Variants in ACACB observed in about 807,000 individuals in gnomAD.
ACACB encodes the protein acetyl-CoA carboxylase beta.
Under a neutral mutation model 278.8 loss-of-function variants are expected in ACACB, and 209 were observed. The observed-to-expected ratio is 0.75, with a 90% CI of 0.67 to 0.84. The LOEUF is 0.84. Ranked by LOEUF, ACACB falls within the 40% of genes least tolerant of loss-of-function variation. ACACB has a pLI of 0.00. For synonymous variants in ACACB, 1,174 were observed against 1,285.6 expected, an observed-to-expected ratio of 0.91 and a Z score of 1.86; for missense variants, 2,850 against 3,269.0, an observed-to-expected ratio of 0.87 and a Z score of 3.13.
At chr12:109,188,780 T>A (rs953450378) in intron 13 of ACACB, among the ~76,000 whole-genome samples, 1 of 152,190 alleles carries the variant, frequency 6.6e-6, no homozygotes, top group Non-Finnish European at 1.5e-5. Context: ...TTATAAGAGT[T>A]CTAGCTTGAA....
chr12:109,212,589 A>G (rs2045880648), intron 21 of ACACB, among the ~76,000 whole-genome samples: 1 of 152,042 alleles, frequency 6.6e-6, no homozygotes, highest in Admixed American at 6.6e-5. Context: ...TCCTGTGAGA[A>G]TCTAATGCTC....
chr12:109,209,117 C>A, intron 20 of ACACB, 48 bp from the exon 21 acceptor site: 1 of 1,532,620 alleles, frequency 6.5e-7, no homozygotes, highest in South Asian at 1.2e-5. Flanking sequence ...GGCGGTGGTG[C>A]CCATGCCCAT....
chr12:109,223,889 C>T lies in ACACB; in HGVS notation c.3867C>T (p.Cys1289=), dbSNP rs926534689. 3.7e-6 allele frequency: 6 copies of T among 1,614,118 alleles called. No homozygotes were observed. Among genetic ancestry groups the T allele is most frequent in the Non-Finnish European group, 5.1e-6 (6 of 1,179,942 alleles). The change falls in exon 27 of 53, where the codon TGC becomes TGT. Residue 1289 remains cysteine, a synonymous_variant. Coordinates refer to ENST00000338432, the MANE Select transcript of ACACB (RefSeq NM_001093.4). The part of the protein sequence containing the change: ...TFFYHANKVV[C]MASLEVYVRR... Reference sequence around the variant, plus strand: ...TCTATCACGCAAACAAAGTCGTGTGCATGGCGTCCTTGGAGGTAAGCAGGA... The same window carrying T: ...TCTATCACGCAAACAAAGTCGTGTGTATGGCGTCCTTGGAGGTAAGCAGGA...
chr12:109,191,932 T>C lies in ACACB; in HGVS notation c.2381T>C (p.Phe794Ser). The change falls in exon 15 of 53, where the codon TTC becomes TCC. Residue 794 changes from phenylalanine (F) to serine (S), a missense_variant. Phe to Ser is a radical substitution (Grantham distance 155). Coordinates refer to ENST00000338432, the MANE Select transcript of ACACB (RefSeq NM_001093.4). ...ATGTTCAGAACGTGCATGACAGATT[T>C]CTTACACTCCCTGGAAAGGTAGGGG... is the stretch of plus-strand genomic sequence containing the variant. ...DAMFRTCMTDFLHSLERGQVL... is the reference protein window; with the variant it reads ...DAMFRTCMTDSLHSLERGQVL... The C allele has an allele frequency of 6.2e-7, 1 of 1,614,202 alleles. No individual in the cohort carries two copies. Among genetic ancestry groups the C allele is most frequent in the Non-Finnish European group, 8.5e-7 (1 of 1,180,038 alleles).
chr12:109,234,196 T>TG, intron 31 of ACACB, 151 bp downstream of exon 31: 1 of 660,926 alleles, frequency 1.5e-6, no homozygotes, highest in South Asian at 1.8e-5. Flanking sequence ...GCCTCATAGC[T>TG]GGCGACCTTG....
At chr12:109,221,043 G>T (rs546323218) in intron 24 of ACACB, among the ~76,000 whole-genome samples, 1 of 152,210 alleles carries the variant, frequency 6.6e-6, no homozygotes, top group Non-Finnish European at 1.5e-5. Flanking sequence ...TCTGGCCTGG[G>T]AGCCACATGC....
chr12:109,176,101 C>G, intron 8 of ACACB, 52 bp from the exon 9 acceptor site: 1 of 1,610,986 alleles, frequency 6.2e-7, no homozygotes, highest in Non-Finnish European at 8.5e-7. Flanking sequence ...GTCCTGGTAG[C>G]AGTTGGCAAC....
At chr12:109,150,411 G>T (rs2043341997) in intron 2 of ACACB, among the ~76,000 whole-genome samples, 1 of 152,210 alleles carries the variant, frequency 6.6e-6, no homozygotes, top group Non-Finnish European at 1.5e-5. Flanking sequence ...TGTCCACGGA[G>T]GAGGAAGAGG....
chr12:109,255,340 A>G lies in ACACB; in HGVS notation c.6167-800A>G, dbSNP rs548628677. Among the ~76,000 whole-genome samples the G allele has an allele frequency of 1.1e-4, 16 of 152,336 alleles. 1 individual carries two copies. In the South Asian group the frequency reaches 2.9e-3, roughly 28 times the overall value. On this transcript the variant is annotated intron_variant, in intron 44 of 52. Transcript: ENST00000338432. ...CTGCTCCTTGGCTGTGCAATGCAGG[A>G]GAGGTGACCCTCGGGAGTGTGCTAG...
Position 109,181,989 on chromosome 12 carries a change from G to A in ACACB, c.1818+1902G>A, listed in dbSNP as rs145122821. ...CTCCTGAGTAGCTGGGACTACAGGC[G>A]TGTGCCACGACGCCCAGCTAATTTT... On this transcript the variant is annotated intron_variant, in intron 11 of 52. Coordinates refer to ENST00000338432, the MANE Select transcript of ACACB (RefSeq NM_001093.4). Among the ~76,000 whole-genome samples the A allele has an allele frequency of 5.9e-5, 9 of 151,820 alleles. No individual in the cohort carries two copies. The East Asian group carries it at 7.8e-4, about 13-fold the overall frequency.
At chr12:109,166,748 A>T in intron 2 of ACACB, 113 bp from the exon 3 acceptor site, 1 of 1,327,614 alleles carries the variant, frequency 7.5e-7, no homozygotes, top group East Asian at 3.0e-5. Flanking sequence ...AGTGCAAAGC[A>T]GGGGGGCTCT....
rs192421392 is a variant in ACACB at position 109,235,011 on chromosome 12, A to G, written c.4348-302A>G. The stretch of plus-strand genomic sequence containing the variant: ...AACCATCACCAGAATCAATTTTAGG[A>G]CATTCTCATCACTCCATAGAAAAAC... On this transcript the variant is annotated intron_variant, in intron 31 of 52. Coordinates refer to ENST00000338432, the MANE Select transcript of ACACB (RefSeq NM_001093.4). 1.7e-3 allele frequency among the ~76,000 whole-genome samples: 253 copies of G among 152,136 alleles called. 1 individual carries two copies. Among genetic ancestry groups the G allele is most frequent in the African/African-American group, 5.7e-3 (236 of 41,500 alleles).
chr12:109,139,473 G>A lies in ACACB; in HGVS notation c.68G>A (p.Trp23Ter). The change falls in exon 2 of 53, where the codon TGG becomes TAG. Residue 23 changes from tryptophan (W) to a stop codon, truncating the protein, a stop_gained. Transcript: ENST00000338432. LOFTEE classifies it high-confidence loss of function. ...SCLTFSWLKI[W>*]GKMTDSKPIT... The stretch of plus-strand genomic sequence containing the variant: ...CTGACCTTTTCCTGGTTAAAAATCT[G>A]GGGGAAAATGACGGACTCCAAGCCG... 1 of 1,614,096 alleles carries A rather than the reference G, an allele frequency of 6.2e-7. No homozygotes were observed. The highest frequency in any genetic ancestry group is 2.2e-5 in the East Asian group (1 of 44,874).
chr12:109,151,109 C>T (rs976277979), intron 2 of ACACB, among the ~76,000 whole-genome samples: 34 of 151,794 alleles, frequency 2.2e-4, no homozygotes, highest in Non-Finnish European at 7.4e-5. Flanking sequence ...CTCAGCCTCC[C>T]GAGTAGCTGG....
chr12:109,223,803 C>A lies in ACACB; in HGVS notation c.3793-12C>A, dbSNP rs749586130. ...TTTACTTTTCCTTGTTTCCCCTTTT[C>A]ATTTCCCTTAGAAATTAATACTTTC... On this transcript the variant is annotated splice_polypyrimidine_tract_variant and intron_variant, in intron 26 of 52. Coordinates refer to ENST00000338432, the MANE Select transcript of ACACB (RefSeq NM_001093.4). 2.1e-5 allele frequency: 33 copies of A among 1,608,626 alleles called. No homozygotes were observed. The highest frequency in any genetic ancestry group is 2.0e-5 in the Non-Finnish European group (23 of 1,175,164).
chr12:109,257,552 T>A (rs1322157150), intron 45 of ACACB, among the ~76,000 whole-genome samples: 1 of 152,092 alleles, frequency 6.6e-6, no homozygotes, highest in East Asian at 1.9e-4. Flanking sequence ...GCTGGCTACA[T>A]GTGATGCTTT....
chr12:109,115,046 G>A (rs989342827), upstream of ACACB, among the ~76,000 whole-genome samples: 4 of 152,156 alleles, frequency 2.6e-5, no homozygotes. Context: ...TAGTGTCTAG[G>A]GAGAACTGAA....
In ACACB at chr12:109,246,402, A is replaced by G; in HGVS notation, c.5525A>G (p.Lys1842Arg). ...CGTATTGGCATGGCAGAGGAGATCA[A>G]ACACATGTTCCACGTGGCTTGGGTG... ...GARIGMAEEI[K>R]HMFHVAWVDP... The change falls in exon 39 of 53, where the codon AAA becomes AGA. Residue 1842 changes from lysine to arginine, a missense_variant. Around this residue, in one of 3 missense-constraint regions of ACACB, gnomAD observed 2,265 missense variants for 2,561.3 expected, o/e 0.88. Transcript: ENST00000338432. 1 of 1,613,766 alleles carries G rather than the reference A, an allele frequency of 6.2e-7. No homozygotes were observed. Among genetic ancestry groups the G allele is most frequent in the Admixed American group, 1.7e-5 (1 of 59,954 alleles).
rs1186463927 is a variant in ACACB, at chr12:109,253,040, C to T, written c.5927C>T (p.Ser1976Phe). 2 of 1,612,030 alleles carry T rather than the reference C, an allele frequency of 1.2e-6. No individual in the cohort carries two copies. The highest frequency in any genetic ancestry group is 1.7e-6 in the Non-Finnish European group (2 of 1,178,960). ...GTCCTGGGAAGAGAGGTCTACACATCCAACAACCAGCTGGGTGGCGTTCAG... is the reference window on the plus strand; with the variant it reads ...GTCCTGGGAAGAGAGGTCTACACATTCAACAACCAGCTGGGTGGCGTTCAG... ...NKVLGREVYT[S>F]NNQLGGVQIM... The change falls in exon 43 of 53, where the codon TCC (serine) becomes TTC (phenylalanine). Residue 1976 changes from serine to phenylalanine, a missense_variant. Ser to Phe is a radical substitution (Grantham distance 155, BLOSUM62 -2). This residue lies in a region of ACACB where 579 missense variants were observed against 684.6 expected (regional missense o/e 0.85). Coordinates refer to ENST00000338432, the MANE Select transcript of ACACB (RefSeq NM_001093.4).
Sources: allele counts gnomAD v4.1 joint callset (sites outside exome capture counted in the v4.1 genomes callset), GRCh38; gene constraint gnomAD v4.1.1; regional missense constraint gnomAD v4.1.1; transcripts MANE v1.5; gene names NCBI Gene and HGNC (gene_info 2026-07-23, HGNC 2026-07-21).